COL23A1: variants seen among roughly 807,000 people sequenced by gnomAD.
The protein encoded by COL23A1 is collagen type XXIII alpha 1 chain, also known as collagen alpha-1(XXIII) chain.
In COL23A1, 97 loss-of-function variants were observed where a neutral mutation model predicts 99.3. The ratio of observed to expected loss-of-function variants is 0.98; its 90% CI spans 0.83 to 1.16. COL23A1 has a LOEUF of 1.16. Among genes scored for constraint, COL23A1 ranks in the 50% most tolerant of loss-of-function variants. COL23A1 has a pLI of 0.00. For synonymous variants in COL23A1, 320 were observed against 308.2 expected, an observed-to-expected ratio of 1.04 and a Z score of -0.40; for missense variants, 762 against 757.4, an observed-to-expected ratio of 1.01 and a Z score of -0.07.
chr5:178,501,716 T>C (rs986163654), intron 2 of COL23A1, among the ~76,000 whole-genome samples: 8 of 152,224 alleles, frequency 5.3e-5, no homozygotes, highest in African/African-American at 9.6e-5. Context: ...CCAACACCCC[T>C]GCTGGGGTAG....
intron 2 of COL23A1, among the ~76,000 whole-genome samples, chr5:178,476,939 C>A (rs1757062070): frequency 6.6e-6 from 1 of 152,230 alleles, no homozygotes; most frequent in Non-Finnish European, 1.5e-5. Context: ...AGGGTTTGAA[C>A]CCAAAGTGTC....
intron 2 of COL23A1, among the ~76,000 whole-genome samples, chr5:178,421,496 T>C (rs1182557785): frequency 6.6e-6 from 1 of 152,218 alleles, no homozygotes; most frequent in African/African-American, 2.4e-5. Flanking sequence ...CATCAAAGTC[T>C]GCCTTCTCCT....
At chr5:178,538,420 C>G (rs1761101938) in intron 2 of COL23A1, among the ~76,000 whole-genome samples, 1 of 152,130 alleles carries the variant, frequency 6.6e-6, no homozygotes, top group African/African-American at 2.4e-5. Context: ...AGTACTTGCC[C>G]ATTTTATTAA....
chr5:178,399,444 C>T (rs1764319994), intron 2 of COL23A1, among the ~76,000 whole-genome samples: 1 of 152,240 alleles, frequency 6.6e-6, no homozygotes, highest in South Asian at 2.1e-4. Context: ...GAGCCAGCAC[C>T]TTCTCCTTTT....
At chr5:178,263,511 C>T (rs545511578) in intron 8 of COL23A1, among the ~76,000 whole-genome samples, 187 bp from the exon 9 acceptor site, 1 of 152,328 alleles carries the variant, frequency 6.6e-6, no homozygotes, top group East Asian at 1.9e-4. Flanking sequence ...GGTCCCCATA[C>T]CTTGGTGTAA....
At chr5:178,294,846 C>G (rs1757657246) in intron 3 of COL23A1, among the ~76,000 whole-genome samples, 1 of 152,166 alleles carries the variant, frequency 6.6e-6, no homozygotes. Flanking sequence ...GAAGCAAAGT[C>G]AAAGGCCAAC....
intron 2 of COL23A1, among the ~76,000 whole-genome samples, chr5:178,446,721 A>C (rs111241314): frequency 4.6e-5 from 7 of 152,262 alleles, no homozygotes; most frequent in Middle Eastern, 3.4e-3. Context: ...TGACCTTGTG[A>C]ATCTATCCCA....
At chr5:178,526,544 T>C (rs1760320023) in intron 2 of COL23A1, among the ~76,000 whole-genome samples, 1 of 152,134 alleles carries the variant, frequency 6.6e-6, no homozygotes, top group South Asian at 2.1e-4. Context: ...ACCAGTAAAC[T>C]CCAGAGCCCA....
At chr5:178,379,052 C>T (rs1199845469) in intron 2 of COL23A1, among the ~76,000 whole-genome samples, 1 of 152,120 alleles carries the variant, frequency 6.6e-6, no homozygotes, top group East Asian at 1.9e-4. Flanking sequence ...ACTGCAGAAA[C>T]ATTAGCCTGT....
At chr5:178,397,959 C>T (rs1764240692) in intron 2 of COL23A1, among the ~76,000 whole-genome samples, 3 of 152,044 alleles carry the variant, frequency 2.0e-5, no homozygotes, top group Non-Finnish European at 2.9e-5. Flanking sequence ...TGCACTCCAG[C>T]CTGGTGACAG....
intron 2 of COL23A1, among the ~76,000 whole-genome samples, chr5:178,440,300 G>A (rs1012374518): frequency 3.9e-5 from 6 of 152,080 alleles, no homozygotes; most frequent in East Asian, 1.9e-4. Flanking sequence ...CCCAAGCCCC[G>A]TGGAACTCTC....
Position 178,372,096 on chromosome 5 carries a change from G to A in COL23A1, c.362-65177C>T, listed in dbSNP as rs147089621. 2.8e-3 allele frequency among the ~76,000 whole-genome samples: 426 copies of A among 152,328 alleles called. 2 individuals are homozygous for A. Among genetic ancestry groups the A allele is most frequent in the African/African-American group, 9.5e-3 (395 of 41,580 alleles). ...CTCATAGCCCAGAGTTAAAAATCAGGCAATTTCACACACAACTCTGGATTT... is the reference window on the plus strand; with the variant it reads ...CTCATAGCCCAGAGTTAAAAATCAGACAATTTCACACACAACTCTGGATTT... On this transcript the variant is annotated intron_variant, in intron 2 of 28. Coordinates refer to ENST00000390654, the MANE Select transcript of COL23A1 (RefSeq NM_173465.4).
intron 2 of COL23A1, among the ~76,000 whole-genome samples, chr5:178,414,414 A>ATTT (rs1765199623): frequency 6.6e-6 from 1 of 151,756 alleles, no homozygotes; most frequent in African/African-American, 2.4e-5. Flanking sequence ...TTTTTTTAAA[A>ATTT]AAAAAAAAAG....
chr5:178,353,913 CTG>C (rs1761471927), intron 2 of COL23A1, among the ~76,000 whole-genome samples: 1 of 150,176 alleles, frequency 6.7e-6, no homozygotes, highest in Non-Finnish European at 1.5e-5. Flanking sequence ...AGAGACAAAA[CTG>C]TGTATGTTGT....
chr5:178,451,590 G>C lies in COL23A1; in HGVS notation c.361+109092C>G, dbSNP rs750933040. Among the ~76,000 whole-genome samples, 9 of 148,954 alleles carry C rather than the reference G, an allele frequency of 6.0e-5. 1 individual carries two copies. The highest frequency in any genetic ancestry group is 8.9e-5 in the Non-Finnish European group (6 of 67,716). ...GAAAATTGCTTGAACCCGGGAGGCA[G>C]AGGTTGCAGTGAGCCGAGATCTCAT... is the stretch of plus-strand genomic sequence containing the variant. On this transcript the variant is annotated intron_variant, in intron 2 of 28. Coordinates refer to ENST00000390654, the MANE Select transcript of COL23A1 (RefSeq NM_173465.4).
chr5:178,586,781 T>A (rs543573247), intron 1 of COL23A1, among the ~76,000 whole-genome samples: 1 of 152,292 alleles, frequency 6.6e-6, no homozygotes, highest in East Asian at 1.9e-4. Context: ...AAAATAGGCA[T>A]CTTAATTAAA....
chr5:178,478,631 C>T (rs531092302), intron 2 of COL23A1, among the ~76,000 whole-genome samples: 1 of 152,326 alleles, frequency 6.6e-6, no homozygotes, highest in Admixed American at 6.5e-5. Context: ...CAACCCCTCC[C>T]TTCCTGTGTC....
rs746848911 is a variant in COL23A1 at position 178,263,305 on chromosome 5, C to G, written c.542G>C (p.Gly181Ala). ...AGGGGGCCCCGGAGGCCCAGCAGCT[C>G]CATCTTGTCCTTGGTCTCCCTGAAA... ...FGPRGDQGQD[G>A]AAGPPGPPGP... Residue 181 changes from glycine to alanine, a missense_variant, in exon 9 of 29, where the codon GGA (glycine) becomes GCA (alanine). Transcript: ENST00000390654. 6 of 1,601,038 alleles carry G rather than the reference C, an allele frequency of 3.7e-6. No individual in the cohort carries two copies. The highest frequency in any genetic ancestry group is 8.5e-7 in the Non-Finnish European group (1 of 1,175,766).
intron 2 of COL23A1, among the ~76,000 whole-genome samples, chr5:178,490,750 C>T (rs1412020346): frequency 6.6e-6 from 1 of 152,054 alleles, no homozygotes; most frequent in African/African-American, 2.4e-5. Flanking sequence ...GTACTCCAGC[C>T]TGGGTGACAC....
Sources: allele counts gnomAD v4.1 joint callset (sites outside exome capture counted in the v4.1 genomes callset), GRCh38; gene constraint gnomAD v4.1.1; transcripts MANE v1.5; gene names NCBI Gene and HGNC (gene_info 2026-07-23, HGNC 2026-07-21).